The following CCDC77 variants were observed in gnomAD, a reference collection of about 807,000 sequenced individuals.
CCDC77 encodes coiled-coil domain containing 77.
CCDC77 carries 56 observed loss-of-function variants against 66.8 expected under a neutral mutation model. The observed-to-expected ratio is 0.84, with a 90% CI of 0.68 to 1.05. CCDC77 has a LOEUF of 1.05. CCDC77 is among the 50% of genes least tolerant of loss of function. The pLI, the probability that CCDC77 is intolerant of heterozygous loss-of-function variation, is 0.00. For missense variants in CCDC77, 570 were observed against 576.8 expected (o/e 0.99, Z 0.12); for synonymous variants, 196 against 195.2 (o/e 1.00, Z -0.03).
chr12:433,806 G>A (rs1945696766), intron 9 of CCDC77, among the ~76,000 whole-genome samples: 1 of 152,000 alleles, frequency 6.6e-6, no homozygotes, highest in Non-Finnish European at 1.5e-5. Flanking sequence ...TCAGAACTCT[G>A]CCGGTGCTTT....
rs141242862 is a variant in CCDC77 at position 411,844 on chromosome 12, G to A, written c.136G>A (p.Glu46Lys). Residue 46 changes from glutamate to lysine, a missense_variant, in exon 4 of 13, where the codon GAA becomes AAA. Physicochemically the swap from Glu to Lys is moderately conservative, Grantham distance 56. Coordinates refer to ENST00000239830, the MANE Select transcript of CCDC77 (RefSeq NM_032358.4). ...GGAGTCAACCCCCTTGCCTTCCCCC[G>A]AAGATCGTCTGGCCAAACTCCATCC... The part of the protein sequence containing the change: ...SLESTPLPSP[E>K]DRLAKLHPSK... 602 of 1,613,998 alleles carry A rather than the reference G, an allele frequency of 3.7e-4. 1 individual carries two copies. In the Middle Eastern group the frequency reaches 9.2e-3, roughly 25 times the overall value.
rs756128100 is a variant in CCDC77, at chr12:441,854, A to T, written c.1401A>T (p.Ile467=). The change falls in exon 13 of 13, where the codon ATA becomes ATT. Residue 467 remains isoleucine (I), a synonymous_variant. Transcript: ENST00000239830. ...ACAGCAATAGACGGGCACATAAGAT[A>T]CAAGGAGAACTGAAGAATCTTAAGT... ...VRDSNRRAHK[I]QGELKNLKSK... The T allele has an allele frequency of 3.7e-6, 6 of 1,613,894 alleles. No homozygotes were observed. The highest frequency in any genetic ancestry group is 3.4e-6 in the Non-Finnish European group (4 of 1,180,006).
At chr12:431,212 CTTT>C (rs61068771) in intron 7 of CCDC77, among the ~76,000 whole-genome samples, 49 of 115,778 alleles carry the variant, frequency 4.2e-4, no homozygotes, top group Admixed American at 1.0e-3. Context: ...TTGCTCAGTT[CTTT>C]TTTTTTTTTT....
chr12:408,058 A>G (rs549494570), intron 2 of CCDC77, among the ~76,000 whole-genome samples: 2 of 152,100 alleles, frequency 1.3e-5, no homozygotes, highest in Admixed American at 1.3e-4. Context: ...AAGTGCTGGG[A>G]TTACAGGCAT....
Position 416,344 on chromosome 12 carries a change from GGTGTGTGTGTGTGTGTGT to G in CCDC77, c.271-2133_271-2116del, listed in dbSNP as rs1174833426. Among the ~76,000 whole-genome samples the G allele has an allele frequency of 1.1e-4, 4 of 37,092 alleles. 1 individual carries two copies. Among genetic ancestry groups the G allele is most frequent in the Admixed American group, 5.5e-4 (1 of 1,826 alleles). The allele number at this position is 37,092 out of a possible 152,430, so 24.3% of individuals were successfully genotyped here. On this transcript the variant is annotated intron_variant, in intron 4 of 12. Coordinates refer to ENST00000239830, the MANE Select transcript of CCDC77 (RefSeq NM_032358.4). ...GTGTGTGAGTCTGTGGGTGTGTGGG[GGTGTGTGTGTGTGTGTGT>G]GTGTGTGTGTGTGTGTATATATATA...
upstream of CCDC77, among the ~76,000 whole-genome samples, chr12:399,828 TG>T (rs1471400066): frequency 5.3e-5 from 8 of 152,218 alleles, no homozygotes; most frequent in Non-Finnish European, 8.8e-5. Flanking sequence ...GGGATGTAAA[TG>T]GGCACTGGCT....
At position 440,690 on chromosome 12, in the gene CCDC77, A is replaced by C. The variant is rs1239566754; in HGVS notation, c.1115A>C (p.Glu372Ala). Reference protein sequence around the residue: ...MYQEQCISLEEELARIREEEG... With the variant: ...MYQEQCISLEAELARIREEEG... ...CAAGAGCAGTGCATTTCCTTAGAAG[A>C]AGAACTTGCCCGAATTCGTGAGGAA... The change falls in exon 11 of 13, where the codon GAA becomes GCA. Residue 372 changes from glutamate to alanine, a missense_variant. Glu to Ala is a moderately radical substitution (Grantham distance 107). Transcript: ENST00000239830. The C allele has an allele frequency of 1.2e-6, 2 of 1,614,198 alleles. No individual in the cohort carries two copies. The highest frequency in any genetic ancestry group is 3.3e-5 in the Admixed American group (2 of 60,032).
chr12:437,916 A>G (rs896769081), intron 9 of CCDC77, among the ~76,000 whole-genome samples: 2 of 152,038 alleles, frequency 1.3e-5, no homozygotes, highest in African/African-American at 2.4e-5. Context: ...GCAGTTCTAC[A>G]TGGAGCACAG....
At chr12:438,744 G>GATTC (rs1002330243) in intron 10 of CCDC77, 190 bp downstream of exon 10, 18 of 520,678 alleles carry the variant, frequency 3.5e-5, no homozygotes, top group South Asian at 9.2e-5. Context: ...TAGACTTGTT[G>GATTC]ATTCATTCAT....
chr12:438,473 G>A lies in CCDC77; in HGVS notation c.960G>A (p.Gln320=). ...LMSKIKQYRV[Q]CKKKEDKIGK... is the part of the protein sequence containing the mutation. ...CAAAGATTAAGCAATATAGGGTGCA[G>A]TGTAAGAAGAAAGAAGATAAAATTG... The change falls in exon 10 of 13, where the codon CAG becomes CAA. Residue 320 remains glutamine, a synonymous_variant. Transcript: ENST00000239830. 6.2e-7 allele frequency: 1 copy of A among 1,613,960 alleles called. No homozygotes were observed. Among genetic ancestry groups the A allele is most frequent in the East Asian group, 2.2e-5 (1 of 44,882 alleles).
intron 1 of CCDC77, among the ~76,000 whole-genome samples, chr12:389,686 T>C (rs1367262839): frequency 6.8e-6 from 1 of 146,110 alleles, no homozygotes; most frequent in African/African-American, 2.5e-5. Context: ...CTTTCCCTTT[T>C]GTGTATCAGT....
intron 5 of CCDC77, among the ~76,000 whole-genome samples, chr12:424,856 G>T (rs1346345484): frequency 1.3e-5 from 2 of 150,628 alleles, no homozygotes; most frequent in African/African-American, 4.9e-5. Context: ...TCATTATTTT[G>T]CATGTGGATG....
chr12:432,895 C>T (rs758370099), intron 8 of CCDC77, among the ~76,000 whole-genome samples: 3 of 152,090 alleles, frequency 2.0e-5, no homozygotes, highest in Non-Finnish European at 2.9e-5. Context: ...ATGAAATTAG[C>T]TGGGTGTGGT....
intron 5 of CCDC77, among the ~76,000 whole-genome samples, chr12:423,481 TTTTTTTTG>T (rs1945464575): frequency 6.0e-5 from 2 of 33,566 alleles, no homozygotes; most frequent in African/African-American, 2.7e-4. Context: ...TTTTTTGTGT[TTTTTTTTG>T]TTTTGTTTTT....
At position 422,651 on chromosome 12, in the gene CCDC77, G is replaced by A. The variant is rs374217475; in HGVS notation, c.413+4015G>A. On this transcript the variant is annotated intron_variant, in intron 5 of 12. Transcript: ENST00000239830. Reference sequence around the variant, plus strand: ...CCATTATATGTGTGTACCACATTGTGTTTATCCATTCATCCACCAGTGGAG... The same window carrying A: ...CCATTATATGTGTGTACCACATTGTATTTATCCATTCATCCACCAGTGGAG... 2.3e-4 allele frequency among the ~76,000 whole-genome samples: 35 copies of A among 152,350 alleles called. No homozygotes were observed. In the Middle Eastern group the frequency reaches 0.01, roughly 44 times the overall value.
intron 5 of CCDC77, 101 bp downstream of exon 5, chr12:418,737 T>C: frequency 1.5e-6 from 2 of 1,320,812 alleles, no homozygotes; most frequent in South Asian, 1.3e-5. Flanking sequence ...TATCACTCTA[T>C]TGCCCAGGCT....
At chr12:412,335 T>G (rs1261643226) in intron 4 of CCDC77, among the ~76,000 whole-genome samples, 1 of 152,228 alleles carries the variant, frequency 6.6e-6, no homozygotes, top group Non-Finnish European at 1.5e-5. Flanking sequence ...CCATGATGCT[T>G]TACTTGAGTA....
chr12:423,606 C>G (rs893173546), intron 5 of CCDC77, among the ~76,000 whole-genome samples: 4 of 150,964 alleles, frequency 2.6e-5, no homozygotes, highest in East Asian at 2.0e-4. Context: ...GATGATCCCC[C>G]CAACCTCAGC....
intron 12 of CCDC77, 144 bp from the exon 13 acceptor site, chr12:441,630 G>T: frequency 1.3e-6 from 1 of 787,936 alleles, no homozygotes; most frequent in Non-Finnish European, 1.9e-6. Flanking sequence ...TCTTTAGTTA[G>T]CCACTGAACA....
Sources: gnomAD v4.1 joint callset for allele counts (sites outside exome capture counted in the v4.1 genomes callset) on GRCh38, gnomAD v4.1.1 for gene constraint, MANE v1.5 for transcripts, NCBI Gene and HGNC (gene_info 2026-07-23, HGNC 2026-07-21) for gene names.